Variants in CFLAR observed in about 807,000 individuals in gnomAD.
CFLAR encodes CASP8 and FADD-like apoptosis regulator.
Under a neutral mutation model 51.1 loss-of-function variants are expected in CFLAR, and 14 were observed. The ratio of observed to expected loss-of-function variants is 0.27; its 90% CI spans 0.18 to 0.43. CFLAR has a LOEUF of 0.43. CFLAR is among the 20% of genes least tolerant of loss of function. The pLI is 1.00. For missense variants in CFLAR, 390 were observed against 566.5 expected, an observed-to-expected ratio of 0.69 and a Z score of 3.16; for synonymous variants, 210 against 211.6, an observed-to-expected ratio of 0.99 and a Z score of 0.06.
rs1220106397 is a variant in CFLAR, at chr2:201,168,811, A to G, written c.*4838A>G. ...AATGTGCAGAAATCACAAGCATTCT[A>G]TACACCAACAATACACAAGCAGAGA... On this transcript the variant is annotated 3_prime_UTR_variant, in exon 10 of 10. Coordinates refer to ENST00000309955, the MANE Select transcript of CFLAR (RefSeq NM_003879.7). 1 of 152,200 alleles carries G rather than the reference A, an allele frequency of 6.6e-6. No homozygotes were observed. Among genetic ancestry groups the G allele is most frequent in the Non-Finnish European group, 1.5e-5 (1 of 68,048 alleles). The allele number at this position is 152,200 out of a possible 1,614,324, so 9.4% of individuals were successfully genotyped here. A position where few individuals can be genotyped will look rare whatever the true frequency, so the allele number is the denominator to read the frequency against.
chr2:201,158,230 T>C (rs1430813743), intron 8 of CFLAR, among the ~76,000 whole-genome samples: 1 of 152,192 alleles, frequency 6.6e-6, no homozygotes, highest in Non-Finnish European at 1.5e-5. Flanking sequence ...GTTCCTCTTT[T>C]GCCCTGCACC....
At chr2:201,160,317 A>G in intron 8 of CFLAR, 115 bp from the exon 9 acceptor site, 1 of 1,175,370 alleles carries the variant, frequency 8.5e-7, no homozygotes, top group African/African-American at 1.5e-5. Flanking sequence ...AATATGACAC[A>G]AAAGCAGAAG....
At chr2:201,148,875 G>A (rs1327165922) in intron 6 of CFLAR, 128 bp from the exon 7 acceptor site, 16 of 665,370 alleles carry the variant, frequency 2.4e-5, no homozygotes, top group Non-Finnish European at 4.4e-5. Flanking sequence ...AGTATAGCTG[G>A]GGAAAGAAGA....
chr2:201,166,094 G>A lies in CFLAR; in HGVS notation c.*2121G>A, dbSNP rs1223151828. The A allele has an allele frequency of 3.9e-5, 7 of 179,028 alleles. No individual in the cohort carries two copies. Among genetic ancestry groups the A allele is most frequent in the Non-Finnish European group, 5.7e-5 (5 of 87,462 alleles). 11.1% of individuals were successfully genotyped at this position (179,028 alleles called of 1,614,324 possible). Reference sequence around the variant, plus strand: ...TGGCCTGTTCTCAATGAGCTGTTGGGTACACCTCCCAGACGGGGTGGCGGC... The same window carrying A: ...TGGCCTGTTCTCAATGAGCTGTTGGATACACCTCCCAGACGGGGTGGCGGC... On this transcript the variant is annotated 3_prime_UTR_variant, in exon 10 of 10. Coordinates refer to ENST00000309955, the MANE Select transcript of CFLAR (RefSeq NM_003879.7).
chr2:201,142,288 A>G (rs896500306), intron 5 of CFLAR, among the ~76,000 whole-genome samples: 3 of 150,940 alleles, frequency 2.0e-5, no homozygotes, highest in Non-Finnish European at 3.0e-5. Context: ...AAGAAAAAAA[A>G]ATATTATATA....
At position 201,130,152 on chromosome 2, in the gene CFLAR, T is replaced by C; in HGVS notation, c.281+6T>C. 1 of 503,148 alleles carries C rather than the reference T, an allele frequency of 2.0e-6. No homozygotes were observed. Among genetic ancestry groups the C allele is most frequent in the Non-Finnish European group, 3.4e-6 (1 of 289,934 alleles). The allele number at this position is 503,148 out of a possible 1,614,324, so 31.2% of individuals were successfully genotyped here. A position where few individuals can be genotyped will look rare whatever the true frequency, so the allele number is the denominator to read the frequency against. ...CACCTTGTTTCGGACTATAGGTAATTCATCAACTCTTCCTGAGGCTGGGTG... is the reference window on the plus strand; with the variant it reads ...CACCTTGTTTCGGACTATAGGTAATCCATCAACTCTTCCTGAGGCTGGGTG... On this transcript the variant is annotated splice_donor_region_variant and intron_variant, in intron 2 of 9. Transcript: ENST00000309955.
chr2:201,119,690 T>G (rs1230698210), intron 1 of CFLAR, among the ~76,000 whole-genome samples: 2 of 152,190 alleles, frequency 1.3e-5, no homozygotes, highest in Non-Finnish European at 2.9e-5. Context: ...GCTTCAGGAT[T>G]GTACCTAACA....
rs1167948242 is a variant in CFLAR at position 201,176,527 on chromosome 2, G to A, written c.*12554G>A. On this transcript the variant is annotated 3_prime_UTR_variant, in exon 10 of 10. Transcript: ENST00000309955. ...TGCCTCATTGTGAATTTTTATAGAT[G>A]TGGCTAAGTCATATGCTTCCTTCTG... 2.0e-5 allele frequency: 3 copies of A among 152,120 alleles called. No homozygotes were observed. Among genetic ancestry groups the A allele is most frequent in the African/African-American group, 7.2e-5 (3 of 41,416 alleles). The allele number at this position is 152,120 out of a possible 1,614,324, so 9.4% of individuals were successfully genotyped here.
chr2:201,121,393 C>T (rs1559168314), intron 1 of CFLAR, among the ~76,000 whole-genome samples: 1 of 152,134 alleles, frequency 6.6e-6, no homozygotes, highest in Non-Finnish European at 1.5e-5. Context: ...GAGTCTATCC[C>T]TTTAACCTGG....
Position 201,171,875 on chromosome 2 carries a change from A to G in CFLAR, c.*7902A>G, listed in dbSNP as rs1944041865. 1 of 152,172 alleles carries G rather than the reference A, an allele frequency of 6.6e-6. No individual in the cohort carries two copies. Among genetic ancestry groups the G allele is most frequent in the South Asian group, 2.1e-4 (1 of 4,834 alleles). 9.4% of individuals were successfully genotyped at this position (152,172 alleles called of 1,614,324 possible). On this transcript the variant is annotated 3_prime_UTR_variant, in exon 10 of 10. Transcript: ENST00000309955. ...CTGGATCTTTGGTTCTGGTGATTGT[A>G]TATTTCTGGACCATCTGGAACCCCA...
rs71954106 is a variant in CFLAR, at chr2:201,161,410, A to AT, written c.1304+473dup. 1.0e-3 allele frequency among the ~76,000 whole-genome samples: 106 copies of AT among 104,494 alleles called. 1 individual carries two copies. Among genetic ancestry groups the AT allele is most frequent in the African/African-American group, 3.0e-3 (101 of 33,796 alleles). 68.6% of individuals were successfully genotyped at this position (104,494 alleles called of 152,430 possible). On this transcript the variant is annotated intron_variant, in intron 9 of 9. Transcript: ENST00000309955. ...ATAAATACAAATAACAAATTTATTT[A>AT]TTTTTATTTATTTTTTTTTTTGAGA...
intron 4 of CFLAR, chr2:201,140,016 G>A: frequency 6.4e-6 from 2 of 311,230 alleles, no homozygotes; most frequent in South Asian, 2.4e-5. Flanking sequence ...CTGCTGATAG[G>A]TAGTCCCTCA....
chr2:201,170,387 C>T lies in CFLAR; in HGVS notation c.*6414C>T, dbSNP rs1455267315. 1.4e-5 allele frequency: 2 copies of T among 147,856 alleles called. No homozygotes were observed. The highest frequency in any genetic ancestry group is 2.5e-5 in the African/African-American group (1 of 40,736). The allele number at this position is 147,856 out of a possible 1,614,324, so 9.2% of individuals were successfully genotyped here. A position where few individuals can be genotyped will look rare whatever the true frequency, so the allele number is the denominator to read the frequency against. On this transcript the variant is annotated 3_prime_UTR_variant, in exon 10 of 10. Transcript: ENST00000309955. Reference sequence around the variant, plus strand: ...TGAAATCTTGAGTCTGGCCATGTTTCTATTTTAAATTCATAAAGAATTCTA... The same window carrying T: ...TGAAATCTTGAGTCTGGCCATGTTTTTATTTTAAATTCATAAAGAATTCTA...
chr2:201,163,614 G>A (rs935920405), intron 9 of CFLAR: 17 of 1,353,592 alleles, frequency 1.3e-5, no homozygotes, highest in Non-Finnish European at 1.6e-5. Flanking sequence ...TGGCTGGTAT[G>A]TTCCCAGAGT....
chr2:201,163,780 G>A (rs1943288081), intron 9 of CFLAR, 55 bp from the exon 10 acceptor site: 2 of 1,571,108 alleles, frequency 1.3e-6, no homozygotes, highest in Non-Finnish European at 1.7e-6. Context: ...CCTAATGACA[G>A]TCTTCTCTTT....
intron 8 of CFLAR, among the ~76,000 whole-genome samples, chr2:201,155,937 T>C (rs547027581): frequency 6.6e-6 from 1 of 151,974 alleles, no homozygotes; most frequent in African/African-American, 2.4e-5. Flanking sequence ...CTTTGTTTTT[T>C]ATAGAGACAG....
At chr2:201,163,358 TAA>T in intron 9 of CFLAR, 1 of 1,163,360 alleles carries the variant, frequency 8.6e-7, no homozygotes, top group Non-Finnish European at 1.1e-6. Flanking sequence ...AGTTGCACTC[TAA>T]TTACAATTTA....
intron 8 of CFLAR, among the ~76,000 whole-genome samples, chr2:201,156,714 T>G (rs1942236011): frequency 1.3e-5 from 2 of 149,248 alleles, no homozygotes; most frequent in Admixed American, 6.6e-5. Context: ...ACCCCTGCCC[T>G]TCCCCTCCCC....
Position 201,160,959 on chromosome 2 carries a change from T to C in CFLAR, c.1304+17T>C. ...ACAAGAAAGGTGAGCCCCCAGGAGG[T>C]GGTCAGTTCCGGACCACCTGCTTAT... On this transcript the variant is annotated intron_variant, in intron 9 of 9. Transcript: ENST00000309955. The C allele has an allele frequency of 6.3e-7, 1 of 1,596,284 alleles. No individual in the cohort carries two copies. The highest frequency in any genetic ancestry group is 8.6e-7 in the Non-Finnish European group (1 of 1,166,624).
Sources: allele counts gnomAD v4.1 joint callset (sites outside exome capture counted in the v4.1 genomes callset), GRCh38; gene constraint gnomAD v4.1.1; transcripts MANE v1.5; gene names NCBI Gene and HGNC (gene_info 2026-07-23, HGNC 2026-07-21).